RERE: variants seen among roughly 807,000 people sequenced by gnomAD.
The protein encoded by RERE is arginine-glutamic acid dipeptide repeats.
Under a neutral mutation model 146.1 loss-of-function variants are expected in RERE, and 40 were observed. That is an observed-to-expected ratio of 0.27 (90% CI 0.21 to 0.36). RERE has a LOEUF of 0.36. Ranked by LOEUF, RERE falls within the 10% of genes least tolerant of loss-of-function variation. The pLI is 1.00. For synonymous variants in RERE, 1,003 were observed against 866.0 expected (o/e 1.16, Z -2.78); for missense variants, 1,933 against 2,138.7 (o/e 0.90, Z 1.90).
intron 1 of RERE, among the ~76,000 whole-genome samples, chr1:8,680,078 C>T (rs974635294): frequency 6.6e-6 from 1 of 152,038 alleles, no homozygotes; most frequent in African/African-American, 2.4e-5. Flanking sequence ...AAGGTGGTAG[C>T]GGGTAGGGGT....
chr1:8,786,199 G>A (rs1009471110), intron 1 of RERE: 17 of 742,000 alleles, frequency 2.3e-5, no homozygotes, highest in Admixed American at 9.6e-5. Flanking sequence ...TAAACACCTC[G>A]GTTCATTCTT....
intron 9 of RERE, among the ~76,000 whole-genome samples, chr1:8,495,535 C>G (rs185174015): frequency 1.3e-5 from 2 of 152,332 alleles, no homozygotes; most frequent in East Asian, 3.9e-4. Flanking sequence ...TGGTCTCGAA[C>G]TCCTGACCTC....
intron 12 of RERE, among the ~76,000 whole-genome samples, chr1:8,404,988 G>A (rs1643398224): frequency 6.6e-6 from 1 of 152,180 alleles, no homozygotes; most frequent in African/African-American, 2.4e-5. Flanking sequence ...TAAACCAACT[G>A]ACTATATGTC....
At position 8,509,426 on chromosome 1, in the gene RERE, A is replaced by G. The variant is rs1033722413; in HGVS notation, c.831-751T>C. On this transcript the variant is annotated intron_variant, in intron 7 of 22. Transcript: ENST00000400908. The stretch of plus-strand genomic sequence containing the variant: ...CATCCATCCATCCATCCATCCATCC[A>G]TCCATCCATCCGTCCGTCCGTCCGT... Among the ~76,000 whole-genome samples the G allele has an allele frequency of 5.3e-3, 459 of 85,908 alleles. 2 individuals are homozygous for G. Among genetic ancestry groups the G allele is most frequent in the African/African-American group, 0.013 (426 of 33,708 alleles). 56.4% of individuals were successfully genotyped at this position (85,908 alleles called of 152,430 possible).
chr1:8,473,916 G>A (rs1400863130), intron 10 of RERE, among the ~76,000 whole-genome samples: 1 of 152,166 alleles, frequency 6.6e-6, no homozygotes, highest in Non-Finnish European at 1.5e-5. Flanking sequence ...ATTCAAACAA[G>A]AGGTTCAATA....
At chr1:8,486,200 C>T (rs1035349041) in intron 10 of RERE, among the ~76,000 whole-genome samples, 2 of 147,772 alleles carry the variant, frequency 1.4e-5, no homozygotes, top group African/African-American at 5.4e-5. Flanking sequence ...ACGTCAACCA[C>T]TGACACTGCA....
At chr1:8,471,665 A>G (rs1276428900) in intron 10 of RERE, among the ~76,000 whole-genome samples, 6 of 151,960 alleles carry the variant, frequency 3.9e-5, no homozygotes, top group Non-Finnish European at 4.4e-5. Flanking sequence ...GGCATGCGCC[A>G]CCATGCCTGG....
In RERE at chr1:8,359,846, C is replaced by A. The variant is rs150925051; in HGVS notation, c.3536G>T (p.Arg1179Leu). 8.7e-6 allele frequency: 14 copies of A among 1,610,738 alleles called. No homozygotes were observed. Among genetic ancestry groups the A allele is most frequent in the Admixed American group, 1.7e-5 (1 of 59,990 alleles). ...KAKREAEQKA[R>L]EEREREKEKE... ...CTCCTTCTCCCGCTCTCGCTCCTCT[C>A]GGGCTTTCTGCTCAGCCTCGCGCTT... The change falls in exon 19 of 23, where the codon CGA (arginine) becomes CTA (leucine). Residue 1179 changes from arginine (R) to leucine (L), a missense_variant. By Grantham distance (102) the Arg-to-Leu change is moderately radical. Coordinates refer to ENST00000400908, the MANE Select transcript of RERE (RefSeq NM_001042681.2).
At position 8,571,072 on chromosome 1, in the gene RERE, A is replaced by G. The variant is rs144050658; in HGVS notation, c.523-13549T>C. On this transcript the variant is annotated intron_variant, in intron 4 of 22. Transcript: ENST00000400908. ...TTTGTCTACATTAAAAAGGTATACT[A>G]CTTTAAAACAACGGTGAACCCTTGA... is the stretch of plus-strand genomic sequence containing the variant. 6.5e-3 allele frequency among the ~76,000 whole-genome samples: 990 copies of G among 152,330 alleles called. 12 individuals are homozygous for G. The highest frequency in any genetic ancestry group is 6.1e-3 in the Admixed American group (93 of 15,302).
At chr1:8,611,511 A>C (rs997048089) in intron 4 of RERE, among the ~76,000 whole-genome samples, 9 of 152,172 alleles carry the variant, frequency 5.9e-5, no homozygotes, top group Non-Finnish European at 1.0e-4. Flanking sequence ...CTCAAAACAA[A>C]AACAACAACA....
intron 2 of RERE, among the ~76,000 whole-genome samples, chr1:8,651,332 C>A (rs1647620517): frequency 6.6e-6 from 1 of 152,096 alleles, no homozygotes; most frequent in Non-Finnish European, 1.5e-5. Context: ...AGCAATTGAG[C>A]CCAGGAGTTC....
chr1:8,623,585 C>T (rs770792761), intron 3 of RERE, among the ~76,000 whole-genome samples: 9 of 152,196 alleles, frequency 5.9e-5, no homozygotes, highest in Non-Finnish European at 5.9e-5. Context: ...AATTTATTTA[C>T]ATCAAGCTTA....
chr1:8,575,560 TA>T (rs57102557), intron 4 of RERE, among the ~76,000 whole-genome samples: 9,412 of 60,048 alleles, frequency 0.16, 322 homozygotes, highest in Middle Eastern at 0.23. Flanking sequence ...TATATATATA[TA>T]TTTTTTTTTT....
At chr1:8,600,202 C>G (rs1174413276) in intron 4 of RERE, among the ~76,000 whole-genome samples, 5 of 152,100 alleles carry the variant, frequency 3.3e-5, no homozygotes, top group African/African-American at 1.2e-4. Context: ...TGAGGCCTAC[C>G]CAGCCACATG....
chr1:8,358,647 G>C lies in RERE; in HGVS notation c.3888C>G (p.Asp1296Glu). The C allele has an allele frequency of 6.3e-7, 1 of 1,585,476 alleles. No individual in the cohort carries two copies. The highest frequency in any genetic ancestry group is 1.2e-5 in the South Asian group (1 of 85,472). Residue 1296 changes from aspartate (D) to glutamate (E), a missense_variant, in exon 20 of 23, where the codon GAC becomes GAG. Coordinates refer to ENST00000400908, the MANE Select transcript of RERE (RefSeq NM_001042681.2). ...AYHMPGLYNV[D>E]PTIRERELRE... ...GGAGCTCCCGCTCGCGGATGGTGGG[G>C]TCGACGTTGTAGAGGCCAGGCATGT...
chr1:8,719,383 T>G (rs182661216), intron 1 of RERE, among the ~76,000 whole-genome samples: 2 of 152,308 alleles, frequency 1.3e-5, no homozygotes, highest in African/African-American at 4.8e-5. Context: ...AAATGACTCA[T>G]TTTGTCCCAA....
At chr1:8,749,220 C>T (rs918364175) in intron 1 of RERE, among the ~76,000 whole-genome samples, 1 of 152,130 alleles carries the variant, frequency 6.6e-6, no homozygotes, top group Non-Finnish European at 1.5e-5. Context: ...AACAACTTCA[C>T]TATAATGGTA....
At chr1:8,612,661 G>A (rs1031936010) in intron 4 of RERE, among the ~76,000 whole-genome samples, 10 of 152,160 alleles carry the variant, frequency 6.6e-5, no homozygotes, top group African/African-American at 2.4e-4. Flanking sequence ...GAGTATTACA[G>A]TAAATAAAAG....
intron 7 of RERE, among the ~76,000 whole-genome samples, chr1:8,515,841 G>C (rs986196158): frequency 6.6e-6 from 1 of 152,070 alleles, no homozygotes; most frequent in African/African-American, 2.4e-5. Flanking sequence ...AACCAAAGAT[G>C]CAAGTAATAT....
Sources: allele counts gnomAD v4.1 joint callset (sites outside exome capture counted in the v4.1 genomes callset), GRCh38; gene constraint gnomAD v4.1.1; transcripts MANE v1.5; gene names NCBI Gene and HGNC (gene_info 2026-07-23, HGNC 2026-07-21).